SLC14A2: variants seen among roughly 807,000 people sequenced by gnomAD.
The protein encoded by SLC14A2 is solute carrier family 14 member 2.
In SLC14A2, 91 loss-of-function variants were observed where a neutral mutation model predicts 104.6. The observed-to-expected ratio is 0.87, with a 90% CI of 0.73 to 1.04. The LOEUF is 1.04. Among genes scored for constraint, SLC14A2 ranks in the 50% least tolerant of loss-of-function variants. SLC14A2 has a pLI of 0.00. For missense variants in SLC14A2, 1,189 were observed against 1,156.0 expected, an observed-to-expected ratio of 1.03 and a Z score of -0.41; for synonymous variants, 476 against 466.4, an observed-to-expected ratio of 1.02 and a Z score of -0.27.
chr18:45,451,639 CT>C (rs1321662672), intron 1 of SLC14A2, among the ~76,000 whole-genome samples: 1 of 151,208 alleles, frequency 6.6e-6, no homozygotes, highest in African/African-American at 2.5e-5. Flanking sequence ...TCCCTTTTCT[CT>C]TATTCACGTT....
In SLC14A2 at chr18:45,644,039, G is replaced by A; in HGVS notation, c.1230G>A (p.Leu410=). ...WAFCLATIIF[L]LLTTNNPAIF... is the part of the protein sequence containing the mutation. ...TCTGCCTTGCCACCATCATCTTCCT[G>A]CTCCTGACGACAAACAACCCAGCCA... The change falls in exon 10 of 20, where the codon CTG becomes CTA. Residue 410 remains leucine, a synonymous_variant. Coordinates refer to ENST00000255226, the MANE Select transcript of SLC14A2 (RefSeq NM_007163.4). The A allele has an allele frequency of 6.2e-7, 1 of 1,614,132 alleles. No homozygotes were observed. Among genetic ancestry groups the A allele is most frequent in the Admixed American group, 1.7e-5 (1 of 60,018 alleles).
At chr18:45,475,673 A>G (rs1455818340) in intron 1 of SLC14A2, among the ~76,000 whole-genome samples, 3 of 77,676 alleles carry the variant, frequency 3.9e-5, no homozygotes, top group African/African-American at 5.3e-5. Flanking sequence ...ATATATATAT[A>G]TATATATATA....
chr18:45,656,168 G>A (rs1344666089), intron 10 of SLC14A2, among the ~76,000 whole-genome samples: 1 of 152,196 alleles, frequency 6.6e-6, no homozygotes, highest in East Asian at 1.9e-4. Flanking sequence ...GTGTAGTCTA[G>A]AGTAACCTCT....
At chr18:45,375,382 C>T (rs1029988280) in intron 1 of SLC14A2, among the ~76,000 whole-genome samples, 16 of 152,164 alleles carry the variant, frequency 1.1e-4, no homozygotes, top group Non-Finnish European at 1.3e-4. Context: ...TGGCACCACC[C>T]AGATCGATAA....
At chr18:45,196,679 G>A in the SLC14A2 span, among the ~76,000 whole-genome samples, 29 of 152,286 alleles carry the variant, frequency 1.9e-4, no homozygotes, top group East Asian at 5.0e-3. Flanking sequence ...TTTGAAGGAA[G>A]CCCAAGCCAG....
At chr18:45,182,364 G>T in the SLC14A2 span, among the ~76,000 whole-genome samples, 1 of 151,714 alleles carries the variant, frequency 6.6e-6, no homozygotes, top group Non-Finnish European at 1.5e-5. Context: ...TCAAAGAAAT[G>T]GATCGTTTTC....
intron 1 of SLC14A2, among the ~76,000 whole-genome samples, chr18:45,376,385 C>T (rs1470612680): frequency 1.3e-5 from 2 of 152,154 alleles, no homozygotes; most frequent in African/African-American, 4.8e-5. Context: ...CTCCAGACTC[C>T]AATTTCCACA....
chr18:45,469,135 G>A (rs940814651), intron 1 of SLC14A2, among the ~76,000 whole-genome samples: 2 of 152,154 alleles, frequency 1.3e-5, no homozygotes, highest in Non-Finnish European at 2.9e-5. Flanking sequence ...AGGTGATTAT[G>A]GTACAGGTCA....
chr18:45,298,145 T>TA (rs35633432), intron 1 of SLC14A2, among the ~76,000 whole-genome samples: 20,059 of 152,012 alleles, frequency 0.13, 1,408 homozygotes, highest in Non-Finnish European at 0.16. Flanking sequence ...AGCATCTTTT[T>TA]AAAAAAATAT....
intron 1 of SLC14A2, among the ~76,000 whole-genome samples, chr18:45,391,894 G>A (rs1285049504): frequency 2.0e-5 from 3 of 152,210 alleles, no homozygotes; most frequent in Non-Finnish European, 2.9e-5. Flanking sequence ...CACTCTGATG[G>A]TGGTTTCTTT....
At chr18:45,279,675 G>A (rs966059801) in intron 1 of SLC14A2, among the ~76,000 whole-genome samples, 8 of 152,110 alleles carry the variant, frequency 5.3e-5, no homozygotes, top group Non-Finnish European at 7.4e-5. Flanking sequence ...AGCAGGTGAT[G>A]ACTTTTGAGG....
At chr18:45,506,394 G>A (rs920289417) in intron 2 of SLC14A2, among the ~76,000 whole-genome samples, 4 of 152,154 alleles carry the variant, frequency 2.6e-5, no homozygotes, top group South Asian at 2.1e-4. Context: ...GCTGAATTCC[G>A]AGCTGTAGTG....
chr18:45,243,833 G>C (rs1365067654), intron 1 of SLC14A2, among the ~76,000 whole-genome samples: 1 of 152,176 alleles, frequency 6.6e-6, no homozygotes, highest in African/African-American at 2.4e-5. Flanking sequence ...GAATTCCCCT[G>C]TTCTGTTACT....
chr18:45,227,120 C>T (rs2084126813), intron 1 of SLC14A2, among the ~76,000 whole-genome samples: 1 of 152,130 alleles, frequency 6.6e-6, no homozygotes, highest in African/African-American at 2.4e-5. Context: ...CTTTCTCTCC[C>T]CAGCAAAAGC....
At position 45,562,327 on chromosome 18, in the gene SLC14A2, A is replaced by C. The variant is rs1421548799; in HGVS notation, c.-34-62304A>C. Among the ~76,000 whole-genome samples, 7 of 152,360 alleles carry C rather than the reference A, an allele frequency of 4.6e-5. No homozygotes were observed. In the East Asian group the frequency reaches 1.3e-3, roughly 29 times the overall value. On this transcript the variant is annotated intron_variant, in intron 2 of 20. Coordinates refer to the SLC14A2 transcript ENST00000586448. The stretch of plus-strand genomic sequence containing the variant: ...AGTTGACCTGATAGAGAAGAGCTGA[A>C]GGTAGACCAAGTAAGAGTGAAATCT...
chr18:45,234,696 CT>C (rs68094928), intron 1 of SLC14A2, among the ~76,000 whole-genome samples: 2,873 of 152,344 alleles, frequency 0.019, 73 homozygotes, highest in African/African-American at 0.066. Flanking sequence ...CCTTAATCTT[CT>C]GTGGGGAACC....
At chr18:45,547,806 C>T (rs2043994894) in intron 2 of SLC14A2, among the ~76,000 whole-genome samples, 1 of 152,140 alleles carries the variant, frequency 6.6e-6, no homozygotes, top group East Asian at 1.9e-4. Flanking sequence ...TGATCTGGCC[C>T]AGGAAGACGT....
the SLC14A2 span, among the ~76,000 whole-genome samples, chr18:45,190,132 A>T: frequency 2.0e-5 from 3 of 152,200 alleles, no homozygotes; most frequent in Non-Finnish European, 4.4e-5. Flanking sequence ...TGTTTAGCAG[A>T]ATTATTTGCA....
At chr18:45,524,348 A>G (rs2144815935) in intron 2 of SLC14A2, among the ~76,000 whole-genome samples, 1 of 152,300 alleles carries the variant, frequency 6.6e-6, no homozygotes, top group Admixed American at 6.5e-5. Context: ...TGCTTGTTCA[A>G]TCCCATTGCA....
Sources: gnomAD v4.1 joint callset for allele counts (sites outside exome capture counted in the v4.1 genomes callset) on GRCh38, gnomAD v4.1.1 for gene constraint, MANE v1.5 for transcripts, NCBI Gene and HGNC (gene_info 2026-07-23, HGNC 2026-07-21) for gene names.